The following BCR variants were observed in gnomAD, a reference collection of about 807,000 sequenced individuals.
BCR encodes breakpoint cluster region protein.
A neutral mutation model predicts 138.6 loss-of-function variants in BCR; 58 were observed. The observed-to-expected ratio is 0.42, with a 90% CI of 0.34 to 0.52. The LOEUF (loss-of-function observed/expected upper bound fraction) is 0.52. BCR is among the 20% of genes least tolerant of loss of function. The pLI is 0.06. For synonymous variants in BCR, 786 were observed against 730.1 expected (o/e 1.08, Z -1.23); for missense variants, 1,599 against 1,727.2 (o/e 0.93, Z 1.32).
intron 1 of BCR, among the ~76,000 whole-genome samples, chr22:23,248,328 A>C (rs938429179): frequency 1.3e-5 from 2 of 151,862 alleles, no homozygotes; most frequent in Admixed American, 1.3e-4. Flanking sequence ...GTGTCCGGGC[A>C]ACAGAGTGAG....
In BCR at chr22:23,198,825, T is replaced by C. The variant is rs368342426; in HGVS notation, c.1279+16586T>C. Among the ~76,000 whole-genome samples, 84 of 152,224 alleles carry C rather than the reference T, an allele frequency of 5.5e-4. 1 individual carries two copies. The East Asian group carries it at 0.014, about 25-fold the overall frequency. ...GCAGCTGGTGAGGTACTGTTAGAAT[T>C]TGGCCCTAACAGGACTGGGCACAGT... On this transcript the variant is annotated intron_variant, in intron 1 of 22. Coordinates refer to ENST00000305877, the MANE Select transcript of BCR (RefSeq NM_004327.4).
At chr22:23,203,528 C>T (rs2146211848) in intron 1 of BCR, among the ~76,000 whole-genome samples, 1 of 152,294 alleles carries the variant, frequency 6.6e-6, no homozygotes, top group South Asian at 2.1e-4. Context: ...CTAGACTGGG[C>T]TCCACGGTAA....
At position 23,268,753 on chromosome 22, in the gene BCR, C is replaced by T. The variant is rs139356757; in HGVS notation, c.1860+238C>T. 2.7e-3 allele frequency among the ~76,000 whole-genome samples: 407 copies of T among 152,106 alleles called. 2 individuals carry two copies. The highest frequency in any genetic ancestry group is 9.0e-3 in the African/African-American group (373 of 41,486). On this transcript the variant is annotated intron_variant, in intron 5 of 22. Coordinates refer to ENST00000305877, the MANE Select transcript of BCR (RefSeq NM_004327.4). ...GCGAGGGCCTGATTCTGGGGGTTGCCGAGTTCCGGGGACACTCTTTGCACT... is the reference window on the plus strand; with the variant it reads ...GCGAGGGCCTGATTCTGGGGGTTGCTGAGTTCCGGGGACACTCTTTGCACT...
At chr22:23,255,264 G>A (rs984294742) in intron 2 of BCR, among the ~76,000 whole-genome samples, 10 of 152,136 alleles carry the variant, frequency 6.6e-5, no homozygotes, top group Non-Finnish European at 2.9e-5. Flanking sequence ...GAAGCCAGTG[G>A]GTAACATGTA....
intron 16 of BCR, among the ~76,000 whole-genome samples, chr22:23,303,931 C>T (rs1320994527): frequency 1.9e-5 from 2 of 106,176 alleles, no homozygotes; most frequent in Non-Finnish European, 3.5e-5. Context: ...TCCTTGTTGC[C>T]TTTTTTTTTT....
intron 1 of BCR, among the ~76,000 whole-genome samples, chr22:23,192,753 G>T (rs2072431155): frequency 6.6e-6 from 1 of 152,224 alleles, no homozygotes; most frequent in Non-Finnish European, 1.5e-5. Context: ...ACAGTCAAGG[G>T]CTGTGAATGC....
In BCR at chr22:23,181,078, G is replaced by A. The variant is rs1162903738; in HGVS notation, c.118G>A (p.Ala40Thr). The change falls in exon 1 of 23, where the codon GCC (alanine) becomes ACC (threonine). Residue 40 changes from alanine (A) to threonine (T), a missense_variant. Ala to Thr is a moderately conservative substitution (Grantham distance 58). Coordinates refer to ENST00000305877, the MANE Select transcript of BCR (RefSeq NM_004327.4). ...CGAGCAGGAGCTGGAGCGCTGCAAG[G>A]CCTCCATTCGGCGCCTGGAGCAGGA... ...DIEQELERCK[A>T]SIRRLEQEVN... is the part of the protein sequence containing the mutation. 1 of 1,518,564 alleles carries A rather than the reference G, an allele frequency of 6.6e-7. No homozygotes were observed. The highest frequency in any genetic ancestry group is 8.9e-7 in the Non-Finnish European group (1 of 1,127,588). 94.1% of individuals were successfully genotyped at this position (1,518,564 alleles called of 1,614,324 possible). A position where few individuals can be genotyped will look rare whatever the true frequency, so the allele number is the denominator to read the frequency against.
At chr22:23,281,704 G>A (rs988515656) in intron 8 of BCR, among the ~76,000 whole-genome samples, 1 of 152,200 alleles carries the variant, frequency 6.6e-6, no homozygotes, top group East Asian at 1.9e-4. Flanking sequence ...GTCTGTGGCA[G>A]CATCAAAAGA....
chr22:23,214,712 G>A (rs1164844091), intron 1 of BCR, among the ~76,000 whole-genome samples: 2 of 152,244 alleles, frequency 1.3e-5, no homozygotes, highest in Non-Finnish European at 2.9e-5. Flanking sequence ...TCAGAGCAGA[G>A]AAACAGAGTC....
At chr22:23,254,570 CCCCCCCTCA>C in intron 2 of BCR, 1 of 455,058 alleles carries the variant, frequency 2.2e-6, no homozygotes, top group South Asian at 1.4e-5. Flanking sequence ...TGGACCCACG[CCCCCCCTCA>C]CATGAGAACG....
At chr22:23,219,692 C>T (rs771533948) in intron 1 of BCR, among the ~76,000 whole-genome samples, 5 of 152,220 alleles carry the variant, frequency 3.3e-5, no homozygotes, top group Non-Finnish European at 7.3e-5. Flanking sequence ...AGTCCCCCGC[C>T]ACCCCTCTGT....
intron 1 of BCR, 34 bp from the exon 2 acceptor site, chr22:23,253,765 G>A: frequency 3.2e-6 from 5 of 1,584,506 alleles, no homozygotes; most frequent in Non-Finnish European, 4.3e-6. Flanking sequence ...TCCCTTCTCT[G>A]TCTCTAACAC....
At chr22:23,247,860 A>G (rs1303684818) in intron 1 of BCR, among the ~76,000 whole-genome samples, 1 of 152,232 alleles carries the variant, frequency 6.6e-6, no homozygotes, top group African/African-American at 2.4e-5. Flanking sequence ...CAGAACATCA[A>G]GGTTCATCCA....
chr22:23,314,360 C>G (rs536369433), intron 21 of BCR, among the ~76,000 whole-genome samples, 192 bp from the exon 22 acceptor site: 6 of 152,194 alleles, frequency 3.9e-5, no homozygotes, highest in African/African-American at 1.4e-4. Flanking sequence ...AAGTAGGAGA[C>G]CTCCCCACCA....
intron 2 of BCR, among the ~76,000 whole-genome samples, chr22:23,259,982 C>T (rs984007945): frequency 1.3e-5 from 2 of 151,952 alleles, no homozygotes; most frequent in Admixed American, 6.6e-5. Flanking sequence ...AGTGAGACAT[C>T]GTCTCAAAAA....
chr22:23,290,306 A>C (rs1467214763), intron 13 of BCR, 33 bp from the exon 14 acceptor site: 1 of 1,601,374 alleles, frequency 6.2e-7, no homozygotes, highest in East Asian at 2.2e-5. Context: ...TTCCCGGGAC[A>C]ACAGAAGCTG....
At chr22:23,311,340 A>C (rs1423023206) in intron 18 of BCR, among the ~76,000 whole-genome samples, 2 of 150,180 alleles carry the variant, frequency 1.3e-5, no homozygotes, top group African/African-American at 4.9e-5. Context: ...GGCAGGACCA[A>C]CACCGGGTCT....
chr22:23,310,171 TA>T (rs2073991589), intron 17 of BCR, 152 bp from the exon 18 acceptor site: 2 of 499,278 alleles, frequency 4.0e-6, no homozygotes, highest in Admixed American at 3.1e-5. Flanking sequence ...TGAAGTAGAC[TA>T]GGGGCTTCCC....
chr22:23,268,322 G>T (rs2073468627), intron 4 of BCR, 86 bp from the exon 5 acceptor site: 1 of 1,117,496 alleles, frequency 8.9e-7, no homozygotes, highest in South Asian at 1.5e-5. Context: ...TGGAGTTTCT[G>T]CAGAGCTGTG....
Sources: gnomAD v4.1 joint callset for allele counts (sites outside exome capture counted in the v4.1 genomes callset) on GRCh38, gnomAD v4.1.1 for gene constraint, MANE v1.5 for transcripts, NCBI Gene and HGNC (gene_info 2026-07-23, HGNC 2026-07-21) for gene names.